MAP2K1: variants seen among roughly 807,000 people sequenced by gnomAD.
The protein encoded by MAP2K1 is mitogen-activated protein kinase kinase 1, also known as dual specificity mitogen-activated protein kinase kinase 1.
A neutral mutation model predicts 46.3 loss-of-function variants in MAP2K1; 16 were observed. That is an observed-to-expected ratio of 0.35 (90% CI 0.23 to 0.52). The LOEUF is 0.52. Ranked by LOEUF, MAP2K1 falls within the 20% of genes least tolerant of loss-of-function variation. The pLI is 0.94. For missense variants in MAP2K1, 263 were observed against 497.1 expected (o/e 0.53, Z 4.48); for synonymous variants, 183 against 185.6 (o/e 0.99, Z 0.11).
chr15:66,422,807 G>A (rs987904211), intron 1 of MAP2K1, among the ~76,000 whole-genome samples: 4 of 152,054 alleles, frequency 2.6e-5, no homozygotes, highest in African/African-American at 7.2e-5. Context: ...ATCTCTTCAA[G>A]TATTTCTTCT....
chr15:66,401,036 C>T (rs1033488009), intron 1 of MAP2K1, among the ~76,000 whole-genome samples: 3 of 152,242 alleles, frequency 2.0e-5, no homozygotes, highest in South Asian at 2.1e-4. Flanking sequence ...TTTGGATAGT[C>T]GAGATCAGTT....
intron 5 of MAP2K1, among the ~76,000 whole-genome samples, chr15:66,452,190 T>A (rs1892033469): frequency 7.5e-6 from 1 of 132,706 alleles, no homozygotes; most frequent in South Asian, 2.6e-4. Flanking sequence ...CAATGCTAGA[T>A]GACACGTTAG....
Position 66,443,464 on chromosome 15 carries a change from A to G in MAP2K1, c.516+107A>G, listed in dbSNP as rs1891775180. The G allele has an allele frequency of 6.5e-5, 49 of 749,792 alleles. No individual in the cohort carries two copies. The South Asian group carries it at 6.6e-4, about 10-fold the overall frequency. The allele number at this position is 749,792 out of a possible 1,614,324, so 46.4% of individuals were successfully genotyped here. A position where few individuals can be genotyped will look rare whatever the true frequency, so the allele number is the denominator to read the frequency against. On this transcript the variant is annotated intron_variant, in intron 4 of 10. Coordinates refer to ENST00000307102, the MANE Select transcript of MAP2K1 (RefSeq NM_002755.4). ...TGGGAAGTCAATGAGGGGAAAGTTT[A>G]TAAGAAAAGTGGTATTTTCTCACTA...
At chr15:66,456,951 G>GAAAGAC (rs1201530965) in intron 5 of MAP2K1, among the ~76,000 whole-genome samples, 28 of 152,170 alleles carry the variant, frequency 1.8e-4, no homozygotes, top group African/African-American at 6.8e-4. Flanking sequence ...CATTGGGTCA[G>GAAAGAC]AAAGACAAAA....
In MAP2K1 at chr15:66,484,973, G is replaced by T. The variant is rs1008550904; in HGVS notation, c.694-17G>T. 6.2e-7 allele frequency: 1 copy of T among 1,608,692 alleles called. No individual in the cohort carries two copies. The highest frequency in any genetic ancestry group is 8.5e-7 in the Non-Finnish European group (1 of 1,176,604). On this transcript the variant is annotated splice_polypyrimidine_tract_variant and intron_variant, in intron 6 of 10. Coordinates refer to ENST00000307102, the MANE Select transcript of MAP2K1 (RefSeq NM_002755.4). ...CAAGTTAGGTTAGGTGATTATCACTGTCTGTCTCTCCTGCAGCCAGAAAGA... is the reference window on the plus strand; with the variant it reads ...CAAGTTAGGTTAGGTGATTATCACTTTCTGTCTCTCCTGCAGCCAGAAAGA...
chr15:66,433,164 CAG>C (rs753881537), intron 1 of MAP2K1, among the ~76,000 whole-genome samples: 77 of 152,080 alleles, frequency 5.1e-4, no homozygotes, highest in Non-Finnish European at 9.6e-4. Context: ...GAAAGGAAAC[CAG>C]AGAGTGTGCA....
At chr15:66,414,894 A>G in intron 1 of MAP2K1, 1 of 333,872 alleles carries the variant, frequency 3.0e-6, no homozygotes, top group South Asian at 2.4e-5. Context: ...GCTCGGGCCA[A>G]GAAGGTCATG....
intron 6 of MAP2K1, among the ~76,000 whole-genome samples, chr15:66,483,964 G>C (rs1892976663): frequency 6.6e-6 from 1 of 151,874 alleles, no homozygotes; most frequent in Non-Finnish European, 1.5e-5. Context: ...TAGCCAGGAT[G>C]GTCTCGATCT....
intron 1 of MAP2K1, among the ~76,000 whole-genome samples, chr15:66,427,146 A>C (rs1226778456): frequency 1.3e-5 from 2 of 152,232 alleles, no homozygotes; most frequent in Non-Finnish European, 2.9e-5. Flanking sequence ...ATGTGATAAT[A>C]AGTAAAAAGT....
chr15:66,399,927 T>A (rs1163711007), intron 1 of MAP2K1, among the ~76,000 whole-genome samples: 2 of 151,978 alleles, frequency 1.3e-5, no homozygotes, highest in African/African-American at 4.8e-5. Context: ...TAATTTTAGA[T>A]TCAGGGGGTA....
intron 5 of MAP2K1, among the ~76,000 whole-genome samples, chr15:66,477,496 A>G (rs918571669): frequency 1.6e-4 from 24 of 152,154 alleles, no homozygotes; most frequent in African/African-American, 5.6e-4. Context: ...TATTACATCA[A>G]TCCTGGTCTG....
chr15:66,400,648 T>C (rs187421908), intron 1 of MAP2K1, among the ~76,000 whole-genome samples: 1 of 152,324 alleles, frequency 6.6e-6, no homozygotes, highest in East Asian at 1.9e-4. Flanking sequence ...GAGAGCTGTT[T>C]AGAGGCTCAG....
chr15:66,413,241 T>C (rs906403565), intron 1 of MAP2K1, among the ~76,000 whole-genome samples: 3 of 152,204 alleles, frequency 2.0e-5, no homozygotes, highest in Admixed American at 2.0e-4. Flanking sequence ...TGCTCTTTAC[T>C]GAACCCTAAA....
In MAP2K1 at chr15:66,387,053, A is replaced by G. The variant is rs1303630849; in HGVS notation, c.-295A>G. ...GGGACTGGTTGGTTGAGAGAGAGAG[A>G]GGAAGGGAATCCCGGGCTGCCGAAC... On this transcript the variant is annotated 5_prime_UTR_variant, in exon 1 of 11. Transcript: ENST00000307102. The G allele has an allele frequency of 5.5e-6, 2 of 364,898 alleles. No homozygotes were observed. Among genetic ancestry groups the G allele is most frequent in the Non-Finnish European group, 9.7e-6 (2 of 205,312 alleles). 22.6% of individuals were successfully genotyped at this position (364,898 alleles called of 1,614,324 possible). A position where few individuals can be genotyped will look rare whatever the true frequency, so the allele number is the denominator to read the frequency against.
chr15:66,398,794 A>G (rs2093374405), intron 1 of MAP2K1, among the ~76,000 whole-genome samples: 3 of 131,238 alleles, frequency 2.3e-5, no homozygotes, highest in Admixed American at 8.2e-5. Context: ...TTTTTTTTTG[A>G]GACAGTCTCA....
chr15:66,447,658 T>G (rs933290141), intron 5 of MAP2K1, among the ~76,000 whole-genome samples: 15 of 148,078 alleles, frequency 1.0e-4, no homozygotes, highest in African/African-American at 3.3e-4. Flanking sequence ...GCCATTGCAC[T>G]CTAGCCTGGG....
chr15:66,448,183 T>G (rs1217713456), intron 5 of MAP2K1, among the ~76,000 whole-genome samples: 1 of 149,830 alleles, frequency 6.7e-6, no homozygotes, highest in African/African-American at 2.4e-5. Context: ...ACCCACTATT[T>G]CCCCCTTTCC....
intron 1 of MAP2K1, among the ~76,000 whole-genome samples, chr15:66,418,246 T>C (rs1167155662): frequency 6.6e-6 from 1 of 152,174 alleles, no homozygotes; most frequent in African/African-American, 2.4e-5. Flanking sequence ...GGATATTTCC[T>C]GTTATAGCTG....
intron 5 of MAP2K1, among the ~76,000 whole-genome samples, chr15:66,458,543 C>T (rs990006556): frequency 3.3e-5 from 5 of 152,100 alleles, no homozygotes; most frequent in African/African-American, 7.2e-5. Context: ...TGACAGGTCT[C>T]GCTCACTCTG....
Sources: gnomAD v4.1 joint callset for allele counts (sites outside exome capture counted in the v4.1 genomes callset) on GRCh38, gnomAD v4.1.1 for gene constraint, MANE v1.5 for transcripts, NCBI Gene and HGNC (gene_info 2026-07-23, HGNC 2026-07-21) for gene names.